Variants in PDGFD observed in about 807,000 individuals in gnomAD.
The protein encoded by PDGFD is platelet-derived growth factor D.
PDGFD carries 30 observed loss-of-function variants against 44.7 expected under a neutral mutation model. The observed-to-expected ratio is 0.67, with a 90% CI of 0.50 to 0.91. The LOEUF (loss-of-function observed/expected upper bound fraction) is 0.91, where lower values mean the gene tolerates loss of function less well. Ranked by LOEUF, PDGFD falls within the 40% of genes least tolerant of loss-of-function variation. The pLI is 0.00. For missense variants in PDGFD, 445 were observed against 457.8 expected (o/e 0.97, Z 0.25); for synonymous variants, 173 against 168.4 (o/e 1.03, Z -0.21).
At chr11:103,997,771 A>G (rs931783530) in intron 2 of PDGFD, among the ~76,000 whole-genome samples, 2 of 152,182 alleles carry the variant, frequency 1.3e-5, no homozygotes, top group African/African-American at 4.8e-5. Flanking sequence ...TAATAACACC[A>G]TAGGTCACTT....
intron 1 of PDGFD, among the ~76,000 whole-genome samples, chr11:104,063,695 C>A (rs888613846): frequency 1.3e-5 from 2 of 152,154 alleles, no homozygotes; most frequent in Non-Finnish European, 2.9e-5. Context: ...GCACATGTTA[C>A]ATGGCAGCAC....
intron 1 of PDGFD, among the ~76,000 whole-genome samples, chr11:104,096,969 T>A (rs1281804830): frequency 2.0e-5 from 3 of 152,342 alleles, no homozygotes; most frequent in Middle Eastern, 3.4e-3. Context: ...TATTACCTCT[T>A]ATCTCAACAC....
At chr11:104,105,163 T>C (rs1219384754) in intron 1 of PDGFD, among the ~76,000 whole-genome samples, 3 of 152,192 alleles carry the variant, frequency 2.0e-5, no homozygotes, top group Non-Finnish European at 4.4e-5. Context: ...GACAGTAACT[T>C]GCCCAGGATC....
chr11:103,965,078 A>C (rs1460872399), intron 3 of PDGFD, among the ~76,000 whole-genome samples: 1 of 151,964 alleles, frequency 6.6e-6, no homozygotes, highest in Non-Finnish European at 1.5e-5. Flanking sequence ...GACATTTAAA[A>C]TAAATCCTCT....
chr11:104,052,045 C>A (rs1222339236), intron 1 of PDGFD, among the ~76,000 whole-genome samples: 1 of 152,110 alleles, frequency 6.6e-6, no homozygotes, highest in East Asian at 1.9e-4. Flanking sequence ...CCCCTGGCAA[C>A]CAACAGTCTG....
chr11:104,040,598 C>A (rs1860331989), intron 1 of PDGFD, among the ~76,000 whole-genome samples: 1 of 152,000 alleles, frequency 6.6e-6, no homozygotes, highest in African/African-American at 2.4e-5. Context: ...TTGCATATTA[C>A]TGCCCTTAAT....
At chr11:104,125,410 C>T (rs1363819568) in intron 1 of PDGFD, among the ~76,000 whole-genome samples, 6 of 152,040 alleles carry the variant, frequency 3.9e-5, no homozygotes, top group African/African-American at 1.4e-4. Context: ...GACTCATGCA[C>T]CTTTTTTCTG....
At chr11:103,963,326 G>C (rs1858967440) in intron 3 of PDGFD, among the ~76,000 whole-genome samples, 1 of 152,010 alleles carries the variant, frequency 6.6e-6, no homozygotes, top group Admixed American at 6.6e-5. Context: ...ATATGAGCTG[G>C]GTATAGGCAC....
chr11:104,112,873 G>C (rs1210095868), intron 1 of PDGFD, among the ~76,000 whole-genome samples: 1 of 152,012 alleles, frequency 6.6e-6, no homozygotes, highest in Non-Finnish European at 1.5e-5. Flanking sequence ...CTTTTCTGAG[G>C]GTAGAGGGTG....
At chr11:104,028,258 T>C (rs1449648242) in intron 1 of PDGFD, among the ~76,000 whole-genome samples, 1 of 150,522 alleles carries the variant, frequency 6.6e-6, no homozygotes, top group Non-Finnish European at 1.5e-5. Context: ...GTATTTAGGA[T>C]AATCCTAGTT....
intron 2 of PDGFD, 83 bp downstream of exon 2, chr11:103,999,968 G>A (rs1174090505): frequency 1.5e-5 from 18 of 1,234,230 alleles, no homozygotes; most frequent in Non-Finnish European, 1.9e-5. Flanking sequence ...GGCTCAAAAG[G>A]AATGTTTGAT....
chr11:104,151,107 G>T (rs1396868012), intron 1 of PDGFD, among the ~76,000 whole-genome samples: 1 of 152,024 alleles, frequency 6.6e-6, no homozygotes, highest in African/African-American at 2.4e-5. Flanking sequence ...ATTGATTACT[G>T]TTTACCACAC....
chr11:104,024,275 C>A (rs1286121669), intron 1 of PDGFD, among the ~76,000 whole-genome samples: 10 of 148,894 alleles, frequency 6.7e-5, no homozygotes, highest in Admixed American at 6.0e-4. Context: ...AGGTACCATG[C>A]AAAAAAAAAG....
intron 1 of PDGFD, among the ~76,000 whole-genome samples, chr11:104,062,501 T>C (rs1860731135): frequency 6.6e-6 from 1 of 152,300 alleles, no homozygotes; most frequent in Admixed American, 6.5e-5. Context: ...GAATTACAAG[T>C]TTTTTTGTTA....
chr11:103,926,978 G>A lies in PDGFD; in HGVS notation c.921C>T (p.Gly307=). ...LLVQRCGGNC[G]CGTVNWRSCT... is the part of the protein sequence containing the mutation. Reference sequence around the variant, plus strand: ...AGGACCTCCAGTTGACAGTTCCACAGCCACAATTTCCTCCACAGCGCTGCA... The same window carrying A: ...AGGACCTCCAGTTGACAGTTCCACAACCACAATTTCCTCCACAGCGCTGCA... Residue 307 remains glycine, a synonymous_variant, in exon 6 of 7, where the codon GGC becomes GGT. Transcript: ENST00000393158. 6.2e-7 allele frequency: 1 copy of A among 1,614,214 alleles called. No individual in the cohort carries two copies.
chr11:104,145,442 CATGTAAAT>C (rs1294289797), intron 1 of PDGFD, among the ~76,000 whole-genome samples: 1 of 152,140 alleles, frequency 6.6e-6, no homozygotes, highest in Non-Finnish European at 1.5e-5. Context: ...AAGTTTAACA[CATGTAAAT>C]ATGCATTTCT....
intron 1 of PDGFD, among the ~76,000 whole-genome samples, chr11:104,116,680 C>T (rs985705192): frequency 4.6e-5 from 7 of 151,782 alleles, no homozygotes; most frequent in African/African-American, 1.7e-4. Flanking sequence ...AAAAAGATCA[C>T]TGATATAGTT....
intron 1 of PDGFD, among the ~76,000 whole-genome samples, chr11:104,034,063 C>G (rs568064877): frequency 6.6e-6 from 1 of 152,154 alleles, no homozygotes; most frequent in African/African-American, 2.4e-5. Flanking sequence ...TCCACTCTGG[C>G]GCACCCTGCA....
intron 1 of PDGFD, among the ~76,000 whole-genome samples, chr11:104,040,830 C>T (rs1860337139): frequency 6.6e-6 from 1 of 151,726 alleles, no homozygotes; most frequent in Non-Finnish European, 1.5e-5. Flanking sequence ...ATAACTGAAA[C>T]AAAAAGGATT....
Sources: gnomAD v4.1 joint callset for allele counts (sites outside exome capture counted in the v4.1 genomes callset) on GRCh38, gnomAD v4.1.1 for gene constraint, MANE v1.5 for transcripts, NCBI Gene and HGNC (gene_info 2026-07-23, HGNC 2026-07-21) for gene names.